The following AGAP4 variants were observed in gnomAD, a reference collection of about 807,000 sequenced individuals.
AGAP4 encodes the protein arf-GAP with GTPase, ANK repeat and PH domain-containing protein 4.
Under a neutral mutation model 60.7 loss-of-function variants are expected in AGAP4, and 13 were observed. The observed-to-expected ratio is 0.21, with a 90% CI of 0.14 to 0.34. The LOEUF (loss-of-function observed/expected upper bound fraction) is 0.34, where lower values mean the gene tolerates loss of function less well. AGAP4 is among the 10% of genes least tolerant of loss of function. The pLI, the probability that AGAP4 is intolerant of heterozygous loss-of-function variation, is 1.00. For synonymous variants in AGAP4, 70 were observed against 339.0 expected, an observed-to-expected ratio of 0.21 and a Z score of 8.72; for missense variants, 169 against 884.0, an observed-to-expected ratio of 0.19 and a Z score of 10.26.
intron 4 of AGAP4, among the ~76,000 whole-genome samples, chr10:45,836,333 A>C (rs1233565588): frequency 3.3e-5 from 5 of 151,928 alleles, no homozygotes; most frequent in African/African-American, 1.2e-4. Context: ...TGATTTGTGT[A>C]CATTAATTTT....
intron 5 of AGAP4, among the ~76,000 whole-genome samples, chr10:45,833,463 ATGAGAATAATGTACAC>A (rs1220027966): frequency 8.2e-6 from 1 of 122,302 alleles, no homozygotes; most frequent in Non-Finnish European, 1.7e-5. Flanking sequence ...ACCCAAGAAG[ATGAGAATAATGTACAC>A]TGGACAGCCC....
chr10:45,846,879 G>C lies in AGAP4; in HGVS notation c.224-124C>G. 4.0e-6 allele frequency: 3 copies of C among 754,914 alleles called. No individual in the cohort carries two copies. In the South Asian group the frequency reaches 5.6e-5, roughly 14 times the overall value. The allele number at this position is 754,914 out of a possible 1,614,324, so 46.8% of individuals were successfully genotyped here. On this transcript the variant is annotated intron_variant, in intron 1 of 7. Transcript: ENST00000616763. ...TAAATGGTCCCATGCCAGCCTGGGA[G>C]AATGAGATGAGAGAGCAAGAACTGG...
Position 45,826,313 on chromosome 10 carries a change from AG to A in AGAP4, c.1662del (p.Ser555GlnfsTer61). 6.3e-7 allele frequency: 1 copy of A among 1,586,696 alleles called. No homozygotes were observed. The highest frequency in any genetic ancestry group is 8.6e-7 in the Non-Finnish European group (1 of 1,159,836). Reference protein sequence around the residue: ...WEGSSQGQTKPSEKSTREEKE... With the variant: ...WEGSSQGQTKXSEKSTREEKE... ...TTCTCTTCCCTCGTGGACTTTTCTG[AG>A]GGTTTTGTCTGCCCCTGGCTGCTCC... is the stretch of plus-strand genomic sequence containing the variant. On this transcript the variant is annotated frameshift_variant, in exon 8 of 8. Coordinates refer to ENST00000616763, the MANE Select transcript of AGAP4 (RefSeq NM_001276343.3). LOFTEE classifies it high-confidence loss of function.
intron 4 of AGAP4, among the ~76,000 whole-genome samples, chr10:45,835,005 C>A (rs1349940102): frequency 4.1e-5 from 6 of 146,494 alleles, no homozygotes; most frequent in Non-Finnish European, 5.9e-5. Flanking sequence ...GATCTCCTCA[C>A]CTCGCGATCT....
At chr10:45,838,527 C>T (rs1413475302) in intron 4 of AGAP4, among the ~76,000 whole-genome samples, 169 of 149,340 alleles carry the variant, frequency 1.1e-3, no homozygotes, top group African/African-American at 4.0e-3. Flanking sequence ...TTTTCACTCT[C>T]CTTTTGGGCA....
At position 45,841,695 on chromosome 10, in the gene AGAP4, TA is replaced by T. The variant is rs1173501923; in HGVS notation, c.362-9del. 0.11 allele frequency: 70,882 copies of T among 666,124 alleles called. 885 individuals are homozygous for T. The highest frequency in any genetic ancestry group is 0.2 in the African/African-American group (9,554 of 48,254). 41.3% of individuals were successfully genotyped at this position (666,124 alleles called of 1,614,324 possible). A position where few individuals can be genotyped will look rare whatever the true frequency, so the allele number is the denominator to read the frequency against. On this transcript the variant is annotated splice_polypyrimidine_tract_variant and intron_variant, in intron 3 of 7. Coordinates refer to ENST00000616763, the MANE Select transcript of AGAP4 (RefSeq NM_001276343.3). ...TTCTTCTTATTTCTACAACTAAGAA[TA>T]AAAAAAAAAAAACTGGTCACTTCTG...
At chr10:45,852,163 C>G (rs1325327602), upstream of AGAP4, among the ~76,000 whole-genome samples, 16,858 of 147,230 alleles carry the variant, frequency 0.11, 1,085 homozygotes, top group Non-Finnish European at 0.14. Context: ...CTGCCCGCCT[C>G]GGCCTCCCAC....
rs1554895978 is a variant in AGAP4 at position 45,825,646 on chromosome 10, T to C, written c.*269A>G. 2 of 474,208 alleles carry C rather than the reference T, an allele frequency of 4.2e-6. No individual in the cohort carries two copies. The highest frequency in any genetic ancestry group is 2.7e-5 in the South Asian group (1 of 37,040). 29.4% of individuals were successfully genotyped at this position (474,208 alleles called of 1,614,324 possible). A position where few individuals can be genotyped will look rare whatever the true frequency, so the allele number is the denominator to read the frequency against. ...TTTATTTCAAATATATTTTCACACA[T>C]TTTATCTAAATACATAATACAGAAG... On this transcript the variant is annotated 3_prime_UTR_variant, in exon 8 of 8. Coordinates refer to ENST00000616763, the MANE Select transcript of AGAP4 (RefSeq NM_001276343.3).
upstream of AGAP4, chr10:45,854,385 T>G (rs2059116371): frequency 6.6e-6 from 1 of 151,760 alleles, no homozygotes; most frequent in Admixed American, 6.6e-5. Flanking sequence ...CCCAGCACTT[T>G]GGGAGGCTGA....
chr10:45,831,739 A>G (rs1372906757), intron 5 of AGAP4, among the ~76,000 whole-genome samples: 1 of 109,902 alleles, frequency 9.1e-6, no homozygotes, highest in Non-Finnish European at 1.9e-5. Flanking sequence ...GATTTATTTT[A>G]TGTATTTATT....
At chr10:45,847,539 G>C (rs1257413557), upstream of AGAP4, 2 of 1,474,402 alleles carry the variant, frequency 1.4e-6, no homozygotes, top group East Asian at 2.5e-5. Flanking sequence ...CTAGGGCTGC[G>C]GGCCAAGGCC....
chr10:45,852,271 T>C (rs1416763896), upstream of AGAP4, among the ~76,000 whole-genome samples: 3 of 110,222 alleles, frequency 2.7e-5, no homozygotes, highest in Non-Finnish European at 5.7e-5. Context: ...ATATTATGTA[T>C]AGAAAAGTCT....
upstream of AGAP4, among the ~76,000 whole-genome samples, chr10:45,852,458 A>C (rs1427238572): frequency 6.7e-6 from 1 of 148,680 alleles, no homozygotes; most frequent in Admixed American, 6.7e-5. Flanking sequence ...CAAAAAGTTA[A>C]AAGAAATAAC....
chr10:45,854,649 AAAAAAAAAAG>A (rs1564868059), upstream of AGAP4: 2 of 150,344 alleles, frequency 1.3e-5, no homozygotes, highest in Non-Finnish European at 3.0e-5. Context: ...AAAAAAAAAA[AAAAAAAAAAG>A]AGAGAAAAAG....
At chr10:45,839,837 A>T (rs1441977599) in intron 4 of AGAP4, among the ~76,000 whole-genome samples, 2 of 135,018 alleles carry the variant, frequency 1.5e-5, no homozygotes, top group African/African-American at 5.6e-5. Context: ...GCAAAACTTT[A>T]AAAAAAAATC....
rs2058967455 is a variant in AGAP4 at position 45,844,349 on chromosome 10, A to G, written c.338T>C (p.Phe113Ser). ...ACCATCTGTTTGAGAGTTCCTCTGG[A>G]ATATTGTGCTTGCCTCTGGATTGGC... ...PSANPEASTI[F>S]QRNSQTDVVE... The change falls in exon 3 of 8, where the codon TTC (phenylalanine) becomes TCC (serine). Residue 113 changes from phenylalanine (F) to serine (S), a missense_variant. Physicochemically the swap from Phe to Ser is radical, Grantham distance 155 (BLOSUM62 -2). Coordinates refer to ENST00000616763, the MANE Select transcript of AGAP4 (RefSeq NM_001276343.3). The G allele has an allele frequency of 3.8e-6, 6 of 1,594,764 alleles. No individual in the cohort carries two copies. The Middle Eastern group carries it at 5.5e-4, about 147-fold the overall frequency.
chr10:45,840,180 C>T (rs1554898531), intron 4 of AGAP4, among the ~76,000 whole-genome samples: 1 of 147,500 alleles, frequency 6.8e-6, no homozygotes, highest in Non-Finnish European at 1.5e-5. Context: ...ATAACTAAAA[C>T]CTGGTTGTAA....
upstream of AGAP4, among the ~76,000 whole-genome samples, chr10:45,850,819 A>C (rs1590045060): frequency 6.6e-6 from 1 of 151,790 alleles, no homozygotes; most frequent in Non-Finnish European, 1.5e-5. Context: ...AAGGAGGAAA[A>C]GACAGTTTTT....
chr10:45,837,654 T>A (rs1179612718), intron 4 of AGAP4, among the ~76,000 whole-genome samples: 2 of 151,814 alleles, frequency 1.3e-5, no homozygotes, highest in Admixed American at 6.6e-5. Context: ...GCTGGGATAA[T>A]TGGCAAGCCA....
Sources: gnomAD v4.1 joint callset for allele counts (sites outside exome capture counted in the v4.1 genomes callset) on GRCh38, gnomAD v4.1.1 for gene constraint, MANE v1.5 for transcripts, NCBI Gene and HGNC (gene_info 2026-07-23, HGNC 2026-07-21) for gene names.